Variants in MARCHF1 observed in about 807,000 individuals in gnomAD.
The protein encoded by MARCHF1 is membrane associated ring-CH-type finger 1.
A neutral mutation model predicts 54.2 loss-of-function variants in MARCHF1; 40 were observed. That is an observed-to-expected ratio of 0.74 (90% CI 0.57 to 0.96). The LOEUF is 0.96. Among genes scored for constraint, MARCHF1 ranks in the 40% least tolerant of loss-of-function variants. The pLI, the probability that MARCHF1 is intolerant of heterozygous loss-of-function variation, is 0.00. For synonymous variants in MARCHF1, 236 were observed against 236.3 expected (o/e 1.00, Z 0.01); for missense variants, 586 against 656.5 (o/e 0.89, Z 1.17).
chr4:163,612,225 A>G (rs1406393151), intron 7 of MARCHF1, 46 bp downstream of exon 7: 1 of 1,413,260 alleles, frequency 7.1e-7, no homozygotes, highest in East Asian at 2.6e-5. Flanking sequence ...CACTGCAAAA[A>G]GAACTATATA....
At chr4:164,358,460 A>G (rs912785758) in intron 1 of MARCHF1, among the ~76,000 whole-genome samples, 5 of 152,188 alleles carry the variant, frequency 3.3e-5, no homozygotes, top group African/African-American at 9.7e-5. Flanking sequence ...AACTGATAAG[A>G]AACAGAATTG....
intron 9 of MARCHF1, among the ~76,000 whole-genome samples, chr4:163,543,231 C>T (rs1050704348): frequency 6.6e-6 from 1 of 152,042 alleles, no homozygotes; most frequent in African/African-American, 2.4e-5. Flanking sequence ...AAAGTCTAGT[C>T]AAGAAGCTTC....
chr4:163,748,017 T>G (rs2110764715), intron 4 of MARCHF1, among the ~76,000 whole-genome samples: 1 of 152,312 alleles, frequency 6.6e-6, no homozygotes, highest in East Asian at 1.9e-4. Flanking sequence ...CTGTAGGTAA[T>G]TAACATTTAT....
At chr4:164,333,111 G>C (rs1729609354) in intron 1 of MARCHF1, among the ~76,000 whole-genome samples, 1 of 152,070 alleles carries the variant, frequency 6.6e-6, no homozygotes. Flanking sequence ...AGAATGCCAT[G>C]AGTTGGTCAT....
chr4:163,929,096 C>G (rs1039685548), intron 3 of MARCHF1, among the ~76,000 whole-genome samples: 1 of 151,960 alleles, frequency 6.6e-6, no homozygotes, highest in Non-Finnish European at 1.5e-5. Flanking sequence ...TTTAATAGAG[C>G]TTAAGTAGGA....
At chr4:163,872,665 G>T (rs1750193001) in intron 3 of MARCHF1, among the ~76,000 whole-genome samples, 4 of 152,142 alleles carry the variant, frequency 2.6e-5, no homozygotes, top group African/African-American at 9.7e-5. Context: ...CAGAATACTA[G>T]TGTATGTGCA....
rs554964630 is a variant in MARCHF1 at position 163,720,374 on chromosome 4, T to A, written c.112-19511A>T. On this transcript the variant is annotated intron_variant, in intron 4 of 9. Transcript: ENST00000514618. ...ATTATTTCTGAGGGCTCTGTTCTGTTCCATTGGTCTATATCTCTGTTTTAG... is the reference window on the plus strand; with the variant it reads ...ATTATTTCTGAGGGCTCTGTTCTGTACCATTGGTCTATATCTCTGTTTTAG... 2.3e-4 allele frequency among the ~76,000 whole-genome samples: 35 copies of A among 152,330 alleles called. No individual in the cohort carries two copies. In the South Asian group the frequency reaches 6.6e-3, roughly 29 times the overall value.
chr4:163,931,018 T>G (rs1751660610), intron 3 of MARCHF1, among the ~76,000 whole-genome samples: 2 of 152,036 alleles, frequency 1.3e-5, no homozygotes, highest in African/African-American at 4.8e-5. Context: ...AAAGGTTAAA[T>G]GAGGTCAAAA....
intron 1 of MARCHF1, among the ~76,000 whole-genome samples, chr4:164,118,524 G>A (rs568414071): frequency 5.3e-5 from 8 of 150,806 alleles, no homozygotes; most frequent in Admixed American, 6.6e-5. Context: ...ATAGAAAACA[G>A]TAATATATAA....
At position 163,872,908 on chromosome 4, in the gene MARCHF1, G is replaced by C. The variant is rs1384334200; in HGVS notation, c.-38-18739C>G. 2.6e-5 allele frequency among the ~76,000 whole-genome samples: 4 copies of C among 152,054 alleles called. No individual in the cohort carries two copies. In the South Asian group the frequency reaches 6.2e-4, roughly 24 times the overall value. ...AAATACAAAAAATTAGCCGGGCGTG[G>C]TGGCGGGCGCCTGTAGTCCCAGCTA... is the stretch of plus-strand genomic sequence containing the variant. On this transcript the variant is annotated intron_variant, in intron 3 of 9. Coordinates refer to ENST00000514618, the MANE Select transcript of MARCHF1 (RefSeq NM_001394959.1).
chr4:164,049,588 C>A (rs928087612), intron 2 of MARCHF1, among the ~76,000 whole-genome samples: 4 of 152,094 alleles, frequency 2.6e-5, no homozygotes, highest in African/African-American at 9.7e-5. Flanking sequence ...CACTGATTTC[C>A]TTATGACACC....
chr4:164,068,112 A>G (rs1754767850), intron 2 of MARCHF1, among the ~76,000 whole-genome samples: 1 of 152,262 alleles, frequency 6.6e-6, no homozygotes, highest in South Asian at 2.1e-4. Context: ...ACACTTATAC[A>G]CTATCGGTGA....
chr4:164,379,807 C>T (rs1340597130), intron 1 of MARCHF1, among the ~76,000 whole-genome samples: 1 of 151,854 alleles, frequency 6.6e-6, no homozygotes, highest in East Asian at 1.9e-4. Flanking sequence ...GAAACCCCAT[C>T]TATGCTAAAA....
intron 1 of MARCHF1, among the ~76,000 whole-genome samples, chr4:164,218,972 ACC>A (rs764359514): frequency 1.1e-4 from 17 of 152,244 alleles, no homozygotes; most frequent in Admixed American, 2.0e-4. Flanking sequence ...AGGCTGAAAT[ACC>A]CAAGGATATG....
At position 164,196,945 on chromosome 4, in the gene MARCHF1, T is replaced by C. The variant is rs973818739; in HGVS notation, c.-322-85283A>G. The C allele has an allele frequency of 4.8e-5, 77 of 1,591,872 alleles. No individual in the cohort carries two copies. In the African/African-American group the frequency reaches 8.1e-4, roughly 17 times the overall value. On this transcript the variant is annotated intron_variant, in intron 1 of 9. Transcript: ENST00000514618. ...ATGGGTAAAAACAGTCAAATCACAATAGGAATTTTTCAAAATAGGTTATTC... is the reference window on the plus strand; with the variant it reads ...ATGGGTAAAAACAGTCAAATCACAACAGGAATTTTTCAAAATAGGTTATTC...
chr4:163,869,796 A>G (rs986639053), intron 3 of MARCHF1, among the ~76,000 whole-genome samples: 2 of 152,058 alleles, frequency 1.3e-5, no homozygotes, highest in Non-Finnish European at 1.5e-5. Flanking sequence ...CTTAGGTGAA[A>G]TTTATATAAT....
rs944296150 is a variant in MARCHF1, at chr4:163,700,939, AC to A, written c.112-77del. 4.0e-5 allele frequency: 39 copies of A among 982,996 alleles called. No individual in the cohort carries two copies. In the African/African-American group the frequency reaches 6.0e-4, roughly 15 times the overall value. 60.9% of individuals were successfully genotyped at this position (982,996 alleles called of 1,614,324 possible). A position where few individuals can be genotyped will look rare whatever the true frequency, so the allele number is the denominator to read the frequency against. ...CCATACTGTACCACTGAGAAGAGAA[AC>A]CACAGCACAAGGAAATCTGTGAATG... On this transcript the variant is annotated intron_variant, in intron 4 of 9. Coordinates refer to ENST00000514618, the MANE Select transcript of MARCHF1 (RefSeq NM_001394959.1).
chr4:164,097,791 CA>C (rs1212829390), intron 2 of MARCHF1, among the ~76,000 whole-genome samples: 1 of 152,172 alleles, frequency 6.6e-6, no homozygotes, highest in Non-Finnish European at 1.5e-5. Flanking sequence ...TTGGGCCACA[CA>C]TATTTTTGTG....
At chr4:164,091,597 CTA>C (rs1755303617) in intron 2 of MARCHF1, among the ~76,000 whole-genome samples, 1 of 151,550 alleles carries the variant, frequency 6.6e-6, no homozygotes, top group Non-Finnish European at 1.5e-5. Context: ...GCTTGAAATA[CTA>C]TATCTCAAAT....
Sources: allele counts gnomAD v4.1 joint callset (sites outside exome capture counted in the v4.1 genomes callset), GRCh38; gene constraint gnomAD v4.1.1; transcripts MANE v1.5; gene names NCBI Gene and HGNC (gene_info 2026-07-23, HGNC 2026-07-21).